Variants in CENPN observed in about 807,000 individuals in gnomAD.
CENPN encodes the protein interphase centromere complex protein 32.
In CENPN, 36 loss-of-function variants were observed where a neutral mutation model predicts 48.6. The ratio of observed to expected loss-of-function variants is 0.74; its 90% CI spans 0.57 to 0.98. The LOEUF is 0.98. Ranked by LOEUF, CENPN falls within the 50% of genes least tolerant of loss-of-function variation. The pLI, the probability that CENPN is intolerant of heterozygous loss-of-function variation, is 0.00. For synonymous variants in CENPN, 166 were observed against 135.2 expected (o/e 1.23, Z -1.58); for missense variants, 439 against 399.2 (o/e 1.10, Z -0.85).
Position 81,028,154 on chromosome 16 carries a change from T to C in CENPN, c.811-17T>C. 3.8e-6 allele frequency: 6 copies of C among 1,575,012 alleles called. No homozygotes were observed. Among genetic ancestry groups the C allele is most frequent in the Non-Finnish European group, 4.4e-6 (5 of 1,144,708 alleles). ...ATACAATATGTTTAATAGTCATTTA[T>C]AAATGTTTGTTGACAGCTTGAAACG... On this transcript the variant is annotated splice_polypyrimidine_tract_variant and intron_variant, in intron 9 of 10. Coordinates refer to ENST00000305850, the MANE Select transcript of CENPN (RefSeq NM_001100624.3).
chr16:81,018,988 T>C (rs1457568303), intron 5 of CENPN, among the ~76,000 whole-genome samples: 2 of 152,160 alleles, frequency 1.3e-5, no homozygotes, highest in African/African-American at 2.4e-5. Context: ...TCCAGACCAA[T>C]TGGCAACCAT....
At chr16:81,033,062 C>G (rs1305461570), downstream of CENPN, 2 of 160,928 alleles carry the variant, frequency 1.2e-5, no homozygotes, top group Admixed American at 1.3e-4. Flanking sequence ...GGAAGCCATT[C>G]TAAGAAGGAC....
At chr16:81,023,010 C>T (rs145185926) in intron 7 of CENPN, 1 of 838,834 alleles carries the variant, frequency 1.2e-6, no homozygotes, top group African/African-American at 1.7e-5. Flanking sequence ...TCTTTTGAAG[C>T]TAAATATATT....
chr16:81,013,721 CA>C (rs974279432), intron 2 of CENPN, among the ~76,000 whole-genome samples: 150 of 136,894 alleles, frequency 1.1e-3, no homozygotes, highest in Middle Eastern at 7.5e-3. Context: ...ACTCTGTCTC[CA>C]AAAAAAAAAA....
chr16:81,007,772 A>G (rs998369453), intron 1 of CENPN, among the ~76,000 whole-genome samples: 3 of 152,180 alleles, frequency 2.0e-5, no homozygotes, highest in African/African-American at 7.2e-5. Flanking sequence ...TTGAGCATCT[A>G]CTGTATGTCA....
downstream of CENPN, chr16:81,032,550 C>T: frequency 1.3e-6 from 2 of 1,545,736 alleles, no homozygotes; most frequent in African/African-American, 1.4e-5. Context: ...AGTTGATTTT[C>T]AGTGTTTTTT....
chr16:81,022,428 C>T lies in CENPN; in HGVS notation c.532-169C>T, dbSNP rs1013918805. 1.7e-5 allele frequency: 10 copies of T among 598,382 alleles called. No homozygotes were observed. The Middle Eastern group carries it at 9.1e-4, about 54-fold the overall frequency. 37.1% of individuals were successfully genotyped at this position (598,382 alleles called of 1,614,324 possible). A position where few individuals can be genotyped will look rare whatever the true frequency, so the allele number is the denominator to read the frequency against. On this transcript the variant is annotated intron_variant, in intron 6 of 10. Transcript: ENST00000305850. ...TTATCAGAGTATTAATGCCATTAAC[C>T]ACTTTGTTTTTGAAGCTCAGTAACA...
intron 3 of CENPN, among the ~76,000 whole-genome samples, chr16:81,016,517 T>C (rs775588043): frequency 1.3e-5 from 2 of 152,208 alleles, no homozygotes; most frequent in Non-Finnish European, 2.9e-5. Context: ...ATCCCAGCAC[T>C]TTGGGAGGCC....
chr16:81,022,331 G>A (rs1187569772), intron 6 of CENPN: 1 of 386,738 alleles, frequency 2.6e-6, no homozygotes, highest in African/African-American at 2.1e-5. Flanking sequence ...TCCAAAGTCT[G>A]AACTTGATTT....
At chr16:81,009,956 C>A (rs61556524) in intron 1 of CENPN, among the ~76,000 whole-genome samples, 2 of 152,164 alleles carry the variant, frequency 1.3e-5, no homozygotes, top group Non-Finnish European at 2.9e-5. Context: ...CCCAGCACTT[C>A]AGGAGGCCGA....
intron 6 of CENPN, among the ~76,000 whole-genome samples, chr16:81,021,088 G>A (rs1307945815): frequency 3.5e-5 from 5 of 143,698 alleles, no homozygotes; most frequent in African/African-American, 7.6e-5. Flanking sequence ...AAGAAACTCC[G>A]TCTTAAAAAA....
chr16:81,029,346 G>A lies in CENPN; in HGVS notation c.*695G>A. On this transcript the variant is annotated 3_prime_UTR_variant, in exon 11 of 11. Coordinates refer to ENST00000305850, the MANE Select transcript of CENPN (RefSeq NM_001100624.3). ...TTAATTTTGATCAAAGTACTTCAGT[G>A]ATCATCACTAAATACCCTATCTTTT... 1.1e-6 allele frequency: 1 copy of A among 937,022 alleles called. No homozygotes were observed. The highest frequency in any genetic ancestry group is 1.3e-6 in the Non-Finnish European group (1 of 785,906). The allele number at this position is 937,022 out of a possible 1,614,324, so 58.0% of individuals were successfully genotyped here. A position where few individuals can be genotyped will look rare whatever the true frequency, so the allele number is the denominator to read the frequency against.
chr16:81,007,229 G>C lies in CENPN; in HGVS notation c.-59G>C. ...TGCAATTGGTGGCTTTGAAGGCGCGGCGAGCGGGAACAGCTCTTGAGGAGT... is the reference window on the plus strand; with the variant it reads ...TGCAATTGGTGGCTTTGAAGGCGCGCCGAGCGGGAACAGCTCTTGAGGAGT... On this transcript the variant is annotated 5_prime_UTR_variant, in exon 1 of 11. Transcript: ENST00000305850. 1 of 175,984 alleles carries C rather than the reference G, an allele frequency of 5.7e-6. No homozygotes were observed. Among genetic ancestry groups the C allele is most frequent in the Non-Finnish European group, 1.1e-5 (1 of 89,714 alleles). The allele number at this position is 175,984 out of a possible 1,614,324, so 10.9% of individuals were successfully genotyped here.
chr16:81,027,335 C>A (rs907986799), intron 9 of CENPN, among the ~76,000 whole-genome samples: 1 of 151,964 alleles, frequency 6.6e-6, no homozygotes, highest in African/African-American at 2.4e-5. Context: ...TACAAAAATT[C>A]AAAAATACAA....
At chr16:81,032,941 C>T (rs957756646), downstream of CENPN, 7 of 338,040 alleles carry the variant, frequency 2.1e-5, no homozygotes, top group African/African-American at 1.1e-4. Context: ...TGTGGCCAAC[C>T]AACCAATGAT....
rs1316969021 is a variant in CENPN at position 81,029,878 on chromosome 16, G to A, written c.*1227G>A. On this transcript the variant is annotated 3_prime_UTR_variant, in exon 11 of 11. Transcript: ENST00000305850. The stretch of plus-strand genomic sequence containing the variant: ...GAGTGTATTAGTCTATTCTCATGCT[G>A]CTAATAAAGATACCTAAGACTGGGT... Among the ~76,000 whole-genome samples, 2 of 152,092 alleles carry A rather than the reference G, an allele frequency of 1.3e-5. No homozygotes were observed. Among genetic ancestry groups the A allele is most frequent in the African/African-American group, 2.4e-5 (1 of 41,404 alleles).
intron 9 of CENPN, among the ~76,000 whole-genome samples, 171 bp downstream of exon 9, chr16:81,026,809 T>G (rs992594143): frequency 6.6e-6 from 1 of 152,236 alleles, no homozygotes; most frequent in Non-Finnish European, 1.5e-5. Flanking sequence ...TATAAGTTCC[T>G]CTGTTAGCAA....
Position 81,011,927 on chromosome 16 carries a change from A to C in CENPN, c.-10-3A>C, listed in dbSNP as rs1969757393. 1.2e-6 allele frequency: 2 copies of C among 1,609,268 alleles called. No individual in the cohort carries two copies. Among genetic ancestry groups the C allele is most frequent in the Non-Finnish European group, 1.7e-6 (2 of 1,177,096 alleles). On this transcript the variant is annotated splice_region_variant and splice_polypyrimidine_tract_variant and intron_variant, in intron 1 of 10. Transcript: ENST00000305850. Reference sequence around the variant, plus strand: ...TTGTTGTGCTGTTTTTGTTTTGTAAAAGTGCCAAAGAGATGGATGAGACTG... The same window carrying C: ...TTGTTGTGCTGTTTTTGTTTTGTAACAGTGCCAAAGAGATGGATGAGACTG...
intron 9 of CENPN, among the ~76,000 whole-genome samples, chr16:81,026,864 C>T (rs1250903463): frequency 1.3e-5 from 2 of 152,114 alleles, no homozygotes; most frequent in Non-Finnish European, 2.9e-5. Context: ...CGTGATGGCT[C>T]ACTGCAACCT....
Sources: allele counts gnomAD v4.1 joint callset (sites outside exome capture counted in the v4.1 genomes callset), GRCh38; gene constraint gnomAD v4.1.1; transcripts MANE v1.5; gene names NCBI Gene and HGNC (gene_info 2026-07-23, HGNC 2026-07-21).